ITPRID1: variants seen among roughly 807,000 people sequenced by gnomAD.
The protein encoded by ITPRID1 is protein ITPRID1.
A neutral mutation model predicts 95.4 loss-of-function variants in ITPRID1; 96 were observed. That is an observed-to-expected ratio of 1.01 (90% CI 0.85 to 1.19). ITPRID1 has a LOEUF of 1.19. Among genes scored for constraint, ITPRID1 ranks in the 50% most tolerant of loss-of-function variants. The pLI is 0.00. For missense variants in ITPRID1, 1,339 were observed against 1,252.9 expected, an observed-to-expected ratio of 1.07 and a Z score of -1.04; for synonymous variants, 510 against 453.6, an observed-to-expected ratio of 1.12 and a Z score of -1.58.
chr7:31,529,123 T>C (rs1283631038), intron 1 of ITPRID1, among the ~76,000 whole-genome samples: 1 of 152,216 alleles, frequency 6.6e-6, no homozygotes, highest in Non-Finnish European at 1.5e-5. Flanking sequence ...TGTTAGTTCT[T>C]ACTCACAATT....
chr7:31,626,863 C>CAGTAA (rs1417361571), intron 10 of ITPRID1, among the ~76,000 whole-genome samples: 1 of 152,204 alleles, frequency 6.6e-6, no homozygotes. Flanking sequence ...GCCTAACACA[C>CAGTAA]AGTAAGCACC....
At chr7:31,588,778 T>C (rs964702077) in intron 10 of ITPRID1, among the ~76,000 whole-genome samples, 4 of 152,146 alleles carry the variant, frequency 2.6e-5, no homozygotes, top group Non-Finnish European at 4.4e-5. Flanking sequence ...ATTAAATCTG[T>C]TCAAATCTCT....
At chr7:31,543,395 G>A (rs1281766681) in intron 1 of ITPRID1, among the ~76,000 whole-genome samples, 1 of 151,960 alleles carries the variant, frequency 6.6e-6, no homozygotes, top group East Asian at 1.9e-4. Flanking sequence ...TTATGAAGAG[G>A]AAAACATAAG....
chr7:31,546,979 G>A (rs1293721076), intron 1 of ITPRID1, among the ~76,000 whole-genome samples: 10 of 152,090 alleles, frequency 6.6e-5, no homozygotes, highest in Admixed American at 2.6e-4. Flanking sequence ...AAAGCTTTGA[G>A]GTAGGAGAAA....
At chr7:31,590,470 T>C (rs1262973324) in intron 10 of ITPRID1, among the ~76,000 whole-genome samples, 1 of 152,182 alleles carries the variant, frequency 6.6e-6, no homozygotes, top group Admixed American at 6.6e-5. Context: ...TTAAGTTTTG[T>C]CTGGGGTTCT....
intron 10 of ITPRID1, among the ~76,000 whole-genome samples, chr7:31,600,135 C>T (rs1341927794): frequency 6.6e-6 from 1 of 152,150 alleles, no homozygotes; most frequent in Non-Finnish European, 1.5e-5. Context: ...TTTTCAACCT[C>T]AGTTATAATC....
chr7:31,643,775 C>T lies in ITPRID1; in HGVS notation c.2405C>T (p.Pro802Leu), dbSNP rs747488534. The T allele has an allele frequency of 1.2e-6, 2 of 1,613,990 alleles. No homozygotes were observed. The highest frequency in any genetic ancestry group is 2.2e-5 in the South Asian group (2 of 91,084). The change falls in exon 12 of 15, where the codon CCT (proline) becomes CTT (leucine). Residue 802 changes from proline to leucine, a missense_variant. Physicochemically the swap from Pro to Leu is moderately conservative, Grantham distance 98. Coordinates refer to ENST00000615280, the MANE Select transcript of ITPRID1 (RefSeq NM_001257967.3). The part of the protein sequence containing the change: ...ICPMGTCHAI[P>L]AHCCICCHHH... ...CCAATGGGCACCTGCCATGCTATACCTGCCCACTGCTGCATCTGCTGTCAT... is the reference window on the plus strand; with the variant it reads ...CCAATGGGCACCTGCCATGCTATACTTGCCCACTGCTGCATCTGCTGTCAT...
intron 6 of ITPRID1, among the ~76,000 whole-genome samples, chr7:31,570,726 C>T (rs1784956936): frequency 6.6e-6 from 1 of 152,144 alleles, no homozygotes. Flanking sequence ...TGCTTCCAGG[C>T]TTTATTACAA....
chr7:31,575,694 G>A (rs1785156766), intron 8 of ITPRID1, among the ~76,000 whole-genome samples: 1 of 152,096 alleles, frequency 6.6e-6, no homozygotes, highest in South Asian at 2.1e-4. Context: ...CTGGAGGGGG[G>A]AAATGACAAA....
chr7:31,643,830 A>T lies in ITPRID1; in HGVS notation c.2460A>T (p.Gln820His). ...ACCCTCACTGCCACGGGGAGAGGCA[A>T]AGCCCTGGCCCTGAACCCTCAGTCT... ...HHHPHCHGER[Q>H]SPGPEPSVCR... Residue 820 changes from glutamine (Q) to histidine (H), a missense_variant, in exon 12 of 15, where the codon CAA becomes CAT. Coordinates refer to ENST00000615280, the MANE Select transcript of ITPRID1 (RefSeq NM_001257967.3). 4 of 1,613,926 alleles carry T rather than the reference A, an allele frequency of 2.5e-6. No homozygotes were observed. Among genetic ancestry groups the T allele is most frequent in the Non-Finnish European group, 3.4e-6 (4 of 1,179,878 alleles).
intron 1 of ITPRID1, among the ~76,000 whole-genome samples, chr7:31,521,904 ATT>A (rs55777151): frequency 0.15 from 17,255 of 118,666 alleles, 1,420 homozygotes; most frequent in African/African-American, 0.25. Flanking sequence ...GGCTAATTTA[ATT>A]TTTTTTTTTT....
At chr7:31,632,391 G>A (rs1265453859) in intron 10 of ITPRID1, among the ~76,000 whole-genome samples, 1 of 152,168 alleles carries the variant, frequency 6.6e-6, no homozygotes, top group Non-Finnish European at 1.5e-5. Context: ...GAGTTGCAAT[G>A]AGCCGAGATT....
rs766314963 is a variant in ITPRID1 at position 31,577,979 on chromosome 7, C to A, written c.715C>A (p.Gln239Lys). The part of the protein sequence containing the change: ...AEEKAGGESV[Q>K]RTSVSAAKEH... ...AGAGAAAGCTGGAGGAGAGAGTGTG[C>A]AAAGAACCTCAGTGAGTGCCGCCAA... The change falls in exon 9 of 15, where the codon CAA becomes AAA. Residue 239 changes from glutamine (Q) to lysine (K), a missense_variant. Coordinates refer to ENST00000615280, the MANE Select transcript of ITPRID1 (RefSeq NM_001257967.3). 4.8e-5 allele frequency: 77 copies of A among 1,613,554 alleles called. No individual in the cohort carries two copies. The highest frequency in any genetic ancestry group is 6.4e-5 in the Non-Finnish European group (76 of 1,179,810).
At chr7:31,531,359 CTGATTA>C (rs1783590374) in intron 1 of ITPRID1, among the ~76,000 whole-genome samples, 1 of 151,388 alleles carries the variant, frequency 6.6e-6, no homozygotes, top group Admixed American at 6.6e-5. Context: ...ACCTAATTTT[CTGATTA>C]TAAGAATAAT....
At chr7:31,644,865 T>G (rs954782949) in intron 12 of ITPRID1, among the ~76,000 whole-genome samples, 1 of 152,224 alleles carries the variant, frequency 6.6e-6, no homozygotes, top group Non-Finnish European at 1.5e-5. Context: ...CGGGGTGAAG[T>G]GGAACCACGA....
chr7:31,577,854 G>T lies in ITPRID1; in HGVS notation c.599-9G>T. ...AATCTGAAACTTTCGTGTTTCTTGT[G>T]TTGTGCAGGTCGTTTCCGACAGCTG... On this transcript the variant is annotated splice_polypyrimidine_tract_variant and intron_variant, in intron 8 of 14. Transcript: ENST00000615280. The T allele has an allele frequency of 1.9e-6, 3 of 1,566,068 alleles. No homozygotes were observed. Among genetic ancestry groups the T allele is most frequent in the Non-Finnish European group, 2.6e-6 (3 of 1,157,598 alleles).
intron 1 of ITPRID1, among the ~76,000 whole-genome samples, chr7:31,521,156 A>C (rs1783237505): frequency 6.6e-6 from 1 of 151,634 alleles, no homozygotes. Context: ...TACTTTCCTA[A>C]AGTAGAAACT....
At chr7:31,562,304 G>A (rs1784652679) in intron 5 of ITPRID1, among the ~76,000 whole-genome samples, 1 of 152,132 alleles carries the variant, frequency 6.6e-6, no homozygotes, top group Non-Finnish European at 1.5e-5. Context: ...GCATAACTGT[G>A]AGTGAAAAGA....
In ITPRID1 at chr7:31,651,886, T is replaced by A. The variant is rs560557647; in HGVS notation, c.2712-53T>A. 1.4e-5 allele frequency: 18 copies of A among 1,294,490 alleles called. No homozygotes were observed. The African/African-American group carries it at 2.5e-4, about 18-fold the overall frequency. 80.2% of individuals were successfully genotyped at this position (1,294,490 alleles called of 1,614,324 possible). A position where few individuals can be genotyped will look rare whatever the true frequency, so the allele number is the denominator to read the frequency against. On this transcript the variant is annotated intron_variant, in intron 13 of 14. Coordinates refer to ENST00000615280, the MANE Select transcript of ITPRID1 (RefSeq NM_001257967.3). ...TATATTATGAGGTGACAATGGAAGA[T>A]TGCACCTGGGAAGGATTGTTAAATT...
Sources: gnomAD v4.1 joint callset for allele counts (sites outside exome capture counted in the v4.1 genomes callset) on GRCh38, gnomAD v4.1.1 for gene constraint, MANE v1.5 for transcripts, NCBI Gene and HGNC (gene_info 2026-07-23, HGNC 2026-07-21) for gene names.